FRMD4B: variants seen among roughly 807,000 people sequenced by gnomAD.
FRMD4B encodes the protein FERM domain containing 4B.
FRMD4B carries 74 observed loss-of-function variants against 141.5 expected under a neutral mutation model. The ratio of observed to expected loss-of-function variants is 0.52; its 90% CI spans 0.43 to 0.63. The LOEUF (loss-of-function observed/expected upper bound fraction) is 0.63, where lower values mean the gene tolerates loss of function less well. FRMD4B is among the 30% of genes least tolerant of loss of function. FRMD4B has a pLI of 0.00. For synonymous variants in FRMD4B, 506 were observed against 467.9 expected (o/e 1.08, Z -1.05); for missense variants, 1,366 against 1,253.4 (o/e 1.09, Z -1.36).
At chr3:69,507,753 T>C (rs1037144706) in intron 1 of FRMD4B, among the ~76,000 whole-genome samples, 1 of 152,156 alleles carries the variant, frequency 6.6e-6, no homozygotes, top group African/African-American at 2.4e-5. Flanking sequence ...AGCCTTCTGA[T>C]GGTCTGGCTT....
chr3:69,183,926 C>T (rs543236419), intron 19 of FRMD4B, among the ~76,000 whole-genome samples: 2 of 151,680 alleles, frequency 1.3e-5, no homozygotes, highest in African/African-American at 2.4e-5. Flanking sequence ...GATGGAGTCT[C>T]GCTCTGTCAT....
At chr3:69,330,693 C>T (rs1032578548) in intron 1 of FRMD4B, among the ~76,000 whole-genome samples, 3 of 151,632 alleles carry the variant, frequency 2.0e-5, no homozygotes, top group Non-Finnish European at 2.9e-5. Flanking sequence ...GACAGGGTCT[C>T]ACTATGTTGC....
At chr3:69,177,943 C>T (rs529153596) in intron 21 of FRMD4B, among the ~76,000 whole-genome samples, 23 of 152,026 alleles carry the variant, frequency 1.5e-4, no homozygotes, top group Middle Eastern at 3.4e-3. Context: ...GGGGAAGAGG[C>T]GAGGTGGTAA....
chr3:69,314,227 T>TTAAAA (rs569788723), intron 1 of FRMD4B, among the ~76,000 whole-genome samples: 1 of 109,242 alleles, frequency 9.2e-6, no homozygotes, highest in African/African-American at 3.7e-5. Context: ...AATGTTTTAT[T>TTAAAA]AAAAAAAAAA....
chr3:69,176,770 G>T, intron 21 of FRMD4B, 114 bp from the exon 22 acceptor site: 2 of 669,092 alleles, frequency 3.0e-6, no homozygotes, highest in South Asian at 2.0e-5. Context: ...AATTTAAGAG[G>T]GTTTGAAATA....
intron 1 of FRMD4B, chr3:69,353,628 G>A (rs771223645): frequency 7.4e-6 from 7 of 949,216 alleles, no homozygotes; most frequent in Non-Finnish European, 8.8e-6. Flanking sequence ...GCACTTGTGC[G>A]GTGTGTGTGT....
At chr3:69,502,435 GA>G (rs1228605924) in intron 1 of FRMD4B, among the ~76,000 whole-genome samples, 1 of 152,122 alleles carries the variant, frequency 6.6e-6, no homozygotes, top group Non-Finnish European at 1.5e-5. Context: ...ATGGGGAAAG[GA>G]TTCCCTATTT....
chr3:69,236,383 G>A lies in FRMD4B; in HGVS notation c.582-11693C>T, dbSNP rs958858126. Among the ~76,000 whole-genome samples the A allele has an allele frequency of 3.6e-4, 55 of 151,792 alleles. 1 individual carries two copies. The highest frequency in any genetic ancestry group is 9.7e-4 in the African/African-American group (40 of 41,312). ...AGCTGGGACTATAGGCACCTGCCAC[G>A]ATGCCCGGGTAATTTTTATATGTTT... On this transcript the variant is annotated intron_variant, in intron 7 of 22. Transcript: ENST00000398540.
At chr3:69,344,573 C>T (rs761597516) in intron 1 of FRMD4B, among the ~76,000 whole-genome samples, 3 of 152,136 alleles carry the variant, frequency 2.0e-5, no homozygotes, top group Non-Finnish European at 4.4e-5. Context: ...CTTCCAAGAC[C>T]ACATAGCTTG....
upstream of FRMD4B, among the ~76,000 whole-genome samples, chr3:69,390,194 T>G (rs1438466763): frequency 6.6e-6 from 1 of 152,120 alleles, no homozygotes; most frequent in Admixed American, 6.5e-5. Context: ...AGCAAGTTAG[T>G]GAAATGGCAG....
Position 69,216,272 on chromosome 3 carries a change from C to T in FRMD4B, c.867G>A (p.Lys289=). 6.5e-6 allele frequency: 10 copies of T among 1,535,518 alleles called. No homozygotes were observed. The highest frequency in any genetic ancestry group is 8.9e-6 in the Non-Finnish European group (10 of 1,119,544). The change falls in exon 11 of 23, where the codon AAG becomes AAA. Residue 289 remains lysine, a synonymous_variant. Coordinates refer to ENST00000398540, the MANE Select transcript of FRMD4B (RefSeq NM_015123.3). ...IGQYDIQDKV[K]PRKLFQWKQL... is the part of the protein sequence containing the mutation. Reference sequence around the variant, plus strand: ...AGTGATCCACACTTACCTTCCGAGGCTTCACCTTGTCTTGTATATCATATT... The same window carrying T: ...AGTGATCCACACTTACCTTCCGAGGTTTCACCTTGTCTTGTATATCATATT...
In FRMD4B at chr3:69,198,717, C is replaced by G; in HGVS notation, c.934G>C (p.Glu312Gln). 1 of 1,559,868 alleles carries G rather than the reference C, an allele frequency of 6.4e-7. No homozygotes were observed. Among genetic ancestry groups the G allele is most frequent in the Non-Finnish European group, 8.8e-7 (1 of 1,142,672 alleles). ...CCTCACCTTCGTGGATCATGAACTT[C>G]AACAGCAAATTTTTTCTCACGGAAA... ...LYFREKKFAVEVHDPRRISVS... is the reference protein window; with the variant it reads ...LYFREKKFAVQVHDPRRISVS... The change falls in exon 12 of 23, where the codon GAA becomes CAA. Residue 312 changes from glutamate to glutamine, a missense_variant. Physicochemically the swap from Glu to Gln is conservative, Grantham distance 29. Transcript: ENST00000398540.
intron 1 of FRMD4B, among the ~76,000 whole-genome samples, chr3:69,488,891 T>TAA (rs35778230): frequency 9.7e-5 from 8 of 82,210 alleles, no homozygotes; most frequent in South Asian, 5.0e-4. Flanking sequence ...AGACTCCATC[T>TAA]AAAAAAAAAA....
At chr3:69,418,805 C>T (rs924333276) in intron 2 of FRMD4B, among the ~76,000 whole-genome samples, 1 of 151,956 alleles carries the variant, frequency 6.6e-6, no homozygotes, top group Non-Finnish European at 1.5e-5. Context: ...TGCCCAGACT[C>T]CTGGCCCATA....
chr3:69,262,126 C>T (rs933080899), intron 5 of FRMD4B, among the ~76,000 whole-genome samples: 1 of 151,876 alleles, frequency 6.6e-6, no homozygotes, highest in African/African-American at 2.4e-5. Context: ...GCCACCATGC[C>T]CAGCTAATTT....
In FRMD4B at chr3:69,540,692, C is replaced by CAT. The variant is rs59055951; in HGVS notation, c.-129+1513_-129+1514insAT. Among the ~76,000 whole-genome samples the CAT allele has an allele frequency of 4.5e-3, 583 of 128,908 alleles. 12 individuals are homozygous for CAT. The highest frequency in any genetic ancestry group is 0.016 in the African/African-American group (519 of 31,634). The allele number at this position is 128,908 out of a possible 152,430, so 84.6% of individuals were successfully genotyped here. ...ACACACACACACACACACACACACA[C>CAT]GGCAGTTATTGTTATTGTTATTATT... On this transcript the variant is annotated intron_variant, in intron 1 of 5. Coordinates refer to the FRMD4B transcript ENST00000459638.
At position 69,332,069 on chromosome 3, in the gene FRMD4B, A is replaced by G. The variant is rs183909695; in HGVS notation, c.163-18552T>C. On this transcript the variant is annotated intron_variant, in intron 1 of 22. Coordinates refer to ENST00000398540, the MANE Select transcript of FRMD4B (RefSeq NM_015123.3). ...GCCACTGCATTCCAGCCTGGGCGACACAGCAAGACTCCATCTCAGAAAAAA... is the reference window on the plus strand; with the variant it reads ...GCCACTGCATTCCAGCCTGGGCGACGCAGCAAGACTCCATCTCAGAAAAAA... Among the ~76,000 whole-genome samples the G allele has an allele frequency of 1.2e-3, 187 of 152,284 alleles. 4 individuals are homozygous for G. The East Asian group carries it at 0.03, about 24-fold the overall frequency.
intron 11 of FRMD4B, among the ~76,000 whole-genome samples, chr3:69,207,560 A>G (rs1480240309): frequency 6.6e-6 from 1 of 152,154 alleles, no homozygotes; most frequent in Non-Finnish European, 1.5e-5. Context: ...CTGTAATCCC[A>G]GCACTTTGGG....
At chr3:69,375,920 T>G (rs1475720857) in intron 1 of FRMD4B, among the ~76,000 whole-genome samples, 5 of 152,150 alleles carry the variant, frequency 3.3e-5, no homozygotes, top group Admixed American at 2.6e-4. Context: ...GTACAAAAAT[T>G]TTCACTGTAC....
Sources: allele counts gnomAD v4.1 joint callset (sites outside exome capture counted in the v4.1 genomes callset), GRCh38; gene constraint gnomAD v4.1.1; transcripts MANE v1.5; gene names NCBI Gene and HGNC (gene_info 2026-07-23, HGNC 2026-07-21).